The following KCNJ6 variants were observed in gnomAD, a reference collection of about 807,000 sequenced individuals.
KCNJ6 encodes G protein-activated inward rectifier potassium channel 2.
Under a neutral mutation model 34.2 loss-of-function variants are expected in KCNJ6, and 9 were observed. The ratio of observed to expected loss-of-function variants is 0.26; its 90% CI spans 0.16 to 0.46. The LOEUF (loss-of-function observed/expected upper bound fraction) is 0.46. Ranked by LOEUF, KCNJ6 falls within the 20% of genes least tolerant of loss-of-function variation. The probability of loss-of-function intolerance (pLI) is 1.00; values close to 1 mark genes in which losing one functional copy is unlikely to be tolerated. For synonymous variants in KCNJ6, 196 were observed against 207.1 expected, an observed-to-expected ratio of 0.95 and a Z score of 0.46; for missense variants, 236 against 531.3, an observed-to-expected ratio of 0.44 and a Z score of 5.46.
intron 1 of KCNJ6, among the ~76,000 whole-genome samples, chr21:37,880,916 A>G (rs920245116): frequency 1.3e-4 from 20 of 152,190 alleles, no homozygotes; most frequent in African/African-American, 4.8e-4. Context: ...GAACATGTGG[A>G]TAAGAGCCCA....
At chr21:37,732,623 A>G (rs2054891633) in intron 2 of KCNJ6, among the ~76,000 whole-genome samples, 1 of 152,164 alleles carries the variant, frequency 6.6e-6, no homozygotes. Context: ...CTTTGATTCC[A>G]CCACGTCATG....
chr21:37,649,132 C>CA (rs1169306298), intron 3 of KCNJ6, among the ~76,000 whole-genome samples: 5,189 of 39,434 alleles, frequency 0.13, 559 homozygotes, highest in African/African-American at 0.33. Context: ...GACTCCATCT[C>CA]AAAAAAAAAA....
At chr21:37,645,106 G>C (rs1478210955) in intron 3 of KCNJ6, among the ~76,000 whole-genome samples, 1 of 151,526 alleles carries the variant, frequency 6.6e-6, no homozygotes, top group Non-Finnish European at 1.5e-5. Context: ...TGGGTATGGT[G>C]GCTCAAACTC....
intron 2 of KCNJ6, among the ~76,000 whole-genome samples, chr21:37,739,029 T>G (rs2054926507): frequency 6.6e-6 from 1 of 152,192 alleles, no homozygotes; most frequent in Non-Finnish European, 1.5e-5. Flanking sequence ...AGACCTGTGC[T>G]GGCCAATACA....
chr21:37,866,116 C>T (rs2055621552), intron 1 of KCNJ6, among the ~76,000 whole-genome samples: 1 of 152,046 alleles, frequency 6.6e-6, no homozygotes, highest in Non-Finnish European at 1.5e-5. Flanking sequence ...CTCAATTAGG[C>T]AAAGTTCTTT....
chr21:37,685,304 T>C (rs889400050), intron 3 of KCNJ6, among the ~76,000 whole-genome samples: 2 of 151,980 alleles, frequency 1.3e-5, no homozygotes, highest in Admixed American at 6.6e-5. Context: ...GGAAATCAAA[T>C]GATCCTTTGT....
At chr21:37,907,847 C>G (rs1459468857) in intron 1 of KCNJ6, among the ~76,000 whole-genome samples, 1 of 152,192 alleles carries the variant, frequency 6.6e-6, no homozygotes, top group Non-Finnish European at 1.5e-5. Flanking sequence ...AGGTACTGTC[C>G]TGCCTATTCC....
intron 1 of KCNJ6, among the ~76,000 whole-genome samples, chr21:37,910,420 G>A (rs565644660): frequency 6.6e-6 from 1 of 152,290 alleles, no homozygotes; most frequent in East Asian, 1.9e-4. Flanking sequence ...GAAAAAAGTA[G>A]ATGTCTGTAA....
In KCNJ6 at chr21:37,609,394, A is replaced by G. The variant is rs531465411; in HGVS notation, c.*15765T>C. ...TCTTATCTTCAATCGCATAGATTCA[A>G]AATTAAAGAGACTATTGAAACCTTG... On this transcript the variant is annotated 3_prime_UTR_variant, in exon 4 of 4. Coordinates refer to ENST00000609713, the MANE Select transcript of KCNJ6 (RefSeq NM_002240.5). The G allele has an allele frequency of 6.6e-6, 1 of 152,318 alleles. No individual in the cohort carries two copies. The highest frequency in any genetic ancestry group is 2.1e-4 in the South Asian group (1 of 4,828). 9.4% of individuals were successfully genotyped at this position (152,318 alleles called of 1,614,324 possible). A position where few individuals can be genotyped will look rare whatever the true frequency, so the allele number is the denominator to read the frequency against.
At chr21:37,727,583 TGTTATAAGGAAGAGGGAGAGCCG>T (rs1227533647) in intron 2 of KCNJ6, among the ~76,000 whole-genome samples, 1 of 152,058 alleles carries the variant, frequency 6.6e-6, no homozygotes, top group African/African-American at 2.4e-5. Context: ...TTTAGGTTGA[TGTTATAAGGAAGAGGGAGAGCCG>T]GTTATAAGGA....
chr21:37,797,592 G>A (rs563511957), intron 2 of KCNJ6, among the ~76,000 whole-genome samples: 7 of 152,062 alleles, frequency 4.6e-5, no homozygotes, highest in South Asian at 2.1e-4. Context: ...ACATTTTCCC[G>A]CCTGTGGTTT....
At chr21:37,889,337 C>T (rs1021504704) in intron 1 of KCNJ6, among the ~76,000 whole-genome samples, 7 of 152,108 alleles carry the variant, frequency 4.6e-5, no homozygotes, top group East Asian at 1.9e-4. Context: ...TGATAAGAAA[C>T]GAGCCTCAAT....
chr21:37,678,274 T>C (rs972176906), intron 3 of KCNJ6, among the ~76,000 whole-genome samples: 2 of 152,294 alleles, frequency 1.3e-5, no homozygotes, highest in Admixed American at 6.5e-5. Flanking sequence ...GAGATGATAC[T>C]GGTCAGGTAA....
chr21:37,860,842 C>T (rs1390597527), intron 1 of KCNJ6, among the ~76,000 whole-genome samples: 1 of 152,186 alleles, frequency 6.6e-6, no homozygotes, highest in African/African-American at 2.4e-5. Flanking sequence ...AATGTTTTCC[C>T]TGCTTAATTT....
chr21:37,617,800 A>G lies in KCNJ6; in HGVS notation c.*7359T>C, dbSNP rs2054277968. ...GGATTTCCTTACCCTGACTCCATTT[A>G]TTTTACTTGGACTTTCACATGGGAG... is the stretch of plus-strand genomic sequence containing the variant. On this transcript the variant is annotated 3_prime_UTR_variant, in exon 4 of 4. Coordinates refer to ENST00000609713, the MANE Select transcript of KCNJ6 (RefSeq NM_002240.5). The G allele has an allele frequency of 6.6e-6, 1 of 152,200 alleles. No individual in the cohort carries two copies. The highest frequency in any genetic ancestry group is 6.5e-5 in the Admixed American group (1 of 15,284). 9.4% of individuals were successfully genotyped at this position (152,200 alleles called of 1,614,324 possible).
At chr21:37,888,892 C>T (rs528730591) in intron 1 of KCNJ6, among the ~76,000 whole-genome samples, 3 of 152,284 alleles carry the variant, frequency 2.0e-5, no homozygotes, top group East Asian at 1.9e-4. Flanking sequence ...CAGACAGAGC[C>T]GGGAGACTGA....
chr21:37,712,525 CTTTCT>C (rs2123448975), intron 3 of KCNJ6, among the ~76,000 whole-genome samples: 1 of 116,052 alleles, frequency 8.6e-6, no homozygotes, highest in Non-Finnish European at 1.7e-5. Flanking sequence ...TCCTTCCTCC[CTTTCT>C]CTTCCCTCCC....
Position 37,789,664 on chromosome 21 carries a change from C to T in KCNJ6, c.25+50994G>A, listed in dbSNP as rs535518159. On this transcript the variant is annotated intron_variant, in intron 2 of 3. Transcript: ENST00000609713. The stretch of plus-strand genomic sequence containing the variant: ...AGATGAGAGAAAGAGTCTAGGTCTT[C>T]GACGGCATCCTTGCACAGCTGAATC... Among the ~76,000 whole-genome samples the T allele has an allele frequency of 2.4e-4, 37 of 152,300 alleles. No homozygotes were observed. In the South Asian group the frequency reaches 5.8e-3, roughly 24 times the overall value.
At chr21:37,694,601 C>T (rs1029554184) in intron 3 of KCNJ6, among the ~76,000 whole-genome samples, 3 of 152,178 alleles carry the variant, frequency 2.0e-5, no homozygotes, top group African/African-American at 7.2e-5. Flanking sequence ...TATGTGGAGG[C>T]TACAGACTTT....
Sources: gnomAD v4.1 joint callset for allele counts (sites outside exome capture counted in the v4.1 genomes callset) on GRCh38, gnomAD v4.1.1 for gene constraint, MANE v1.5 for transcripts, NCBI Gene and HGNC (gene_info 2026-07-23, HGNC 2026-07-21) for gene names.